Variants in UBE2E2 observed in about 807,000 individuals in gnomAD.
The protein encoded by UBE2E2 is ubiquitin conjugating enzyme E2 E2.
A neutral mutation model predicts 24.7 loss-of-function variants in UBE2E2; 6 were observed. The ratio of observed to expected loss-of-function variants is 0.24; its 90% CI spans 0.13 to 0.48. The LOEUF is 0.48. Ranked by LOEUF, UBE2E2 falls within the 20% of genes least tolerant of loss-of-function variation. UBE2E2 has a pLI of 0.99. For synonymous variants in UBE2E2, 104 were observed against 83.6 expected (o/e 1.24, Z -1.33); for missense variants, 169 against 245.0 (o/e 0.69, Z 2.07).
intron 3 of UBE2E2, among the ~76,000 whole-genome samples, chr3:23,248,807 TAGTC>T (rs371374065): frequency 2.5e-4 from 38 of 152,258 alleles, no homozygotes; most frequent in African/African-American, 9.2e-4. Context: ...TTCCTAAACT[TAGTC>T]AGCTACTTCA....
chr3:23,307,453 T>A (rs1440205924), intron 3 of UBE2E2, among the ~76,000 whole-genome samples: 1 of 152,180 alleles, frequency 6.6e-6, no homozygotes, highest in Non-Finnish European at 1.5e-5. Flanking sequence ...ACCTCCATAA[T>A]GATGTATTTA....
At chr3:23,409,514 C>A (rs1041554044) in intron 3 of UBE2E2, among the ~76,000 whole-genome samples, 3 of 152,052 alleles carry the variant, frequency 2.0e-5, no homozygotes, top group African/African-American at 7.2e-5. Context: ...AATGTATACC[C>A]CATATATTTC....
chr3:23,223,025 C>CT (rs58129459), intron 3 of UBE2E2, among the ~76,000 whole-genome samples: 50 of 60,290 alleles, frequency 8.3e-4, no homozygotes, highest in East Asian at 1.2e-3. Context: ...CCCCCCCCCC[C>CT]TTTTTTTTTT....
chr3:23,495,816 G>A (rs571366769), intron 3 of UBE2E2, among the ~76,000 whole-genome samples: 2 of 152,274 alleles, frequency 1.3e-5, no homozygotes, highest in East Asian at 1.9e-4. Flanking sequence ...ATGGGGTGAT[G>A]GGGGAGGAAT....
At chr3:23,267,593 C>G (rs1231744739) in intron 3 of UBE2E2, among the ~76,000 whole-genome samples, 1 of 151,862 alleles carries the variant, frequency 6.6e-6, no homozygotes, top group Non-Finnish European at 1.5e-5. Flanking sequence ...AGTCCAGGAC[C>G]AGATGGATTC....
chr3:23,512,374 T>G (rs922256815), intron 4 of UBE2E2, among the ~76,000 whole-genome samples: 1 of 151,944 alleles, frequency 6.6e-6, no homozygotes, highest in African/African-American at 2.4e-5. Flanking sequence ...TGTGCCACCA[T>G]GCCTGGCAAA....
chr3:23,390,786 T>C (rs1304030238), intron 3 of UBE2E2, among the ~76,000 whole-genome samples: 3 of 152,192 alleles, frequency 2.0e-5, no homozygotes, highest in Non-Finnish European at 2.9e-5. Context: ...CATACCCCTG[T>C]TGCAAGTCCC....
chr3:23,471,671 A>G (rs1379835759), intron 3 of UBE2E2, among the ~76,000 whole-genome samples: 4 of 152,230 alleles, frequency 2.6e-5, no homozygotes, highest in African/African-American at 9.6e-5. Flanking sequence ...CCTGAAGCAG[A>G]CAAACCAAAG....
chr3:23,535,873 G>A (rs541455444), intron 5 of UBE2E2, among the ~76,000 whole-genome samples: 5 of 152,068 alleles, frequency 3.3e-5, no homozygotes, highest in East Asian at 3.9e-4. Flanking sequence ...CGCCCGCCTC[G>A]GCCTCCCAAA....
Position 23,259,585 on chromosome 3 carries a change from AGTCT to A in UBE2E2, c.227+42274_227+42277del, listed in dbSNP as rs759828954. On this transcript the variant is annotated intron_variant, in intron 3 of 5. Transcript: ENST00000396703. Reference sequence around the variant, plus strand: ...TATCCTGGAACTTTAAAAAAAAAAAAGTCTTGACTCAAATATTGTAATTTTTCTT... The same window carrying A: ...TATCCTGGAACTTTAAAAAAAAAAAATGACTCAAATATTGTAATTTTTCTT... 2.3e-3 allele frequency among the ~76,000 whole-genome samples: 348 copies of A among 151,642 alleles called. 12 individuals carry two copies. In the East Asian group the frequency reaches 0.05, roughly 22 times the overall value.
chr3:23,313,866 G>T (rs1321561339), intron 3 of UBE2E2, among the ~76,000 whole-genome samples: 2 of 151,982 alleles, frequency 1.3e-5, no homozygotes, highest in African/African-American at 4.8e-5. Context: ...TTTAGTGAGG[G>T]TGATTTTCTC....
intron 4 of UBE2E2, among the ~76,000 whole-genome samples, chr3:23,502,932 C>A (rs1286239432): frequency 6.6e-6 from 1 of 152,080 alleles, no homozygotes; most frequent in Admixed American, 6.5e-5. Flanking sequence ...AGGTCTTCAG[C>A]TGAGTATTTA....
At chr3:23,273,977 C>G (rs762584511) in intron 3 of UBE2E2, 1 of 152,184 alleles carries the variant, frequency 6.6e-6, no homozygotes, top group Non-Finnish European at 1.5e-5. Context: ...ATTCTTCTTA[C>G]TGACTGAATC....
chr3:23,396,367 A>C (rs1697077638), intron 3 of UBE2E2, among the ~76,000 whole-genome samples: 1 of 147,962 alleles, frequency 6.8e-6, no homozygotes, highest in Non-Finnish European at 1.5e-5. Context: ...TATCTATATA[A>C]AATAAAAAAT....
intron 3 of UBE2E2, among the ~76,000 whole-genome samples, chr3:23,396,776 TAGTG>T (rs1293812501): frequency 6.6e-6 from 1 of 152,174 alleles, no homozygotes; most frequent in Non-Finnish European, 1.5e-5. Flanking sequence ...GTTTGACTCA[TAGTG>T]AGCACTCAAT....
chr3:23,290,218 C>G (rs1334303330), intron 3 of UBE2E2, among the ~76,000 whole-genome samples: 1 of 152,196 alleles, frequency 6.6e-6, no homozygotes, highest in Non-Finnish European at 1.5e-5. Flanking sequence ...GCTTCTGTAT[C>G]TTGTTACCTT....
In UBE2E2 at chr3:23,266,760, A is replaced by G. The variant is rs182005281; in HGVS notation, c.227+49448A>G. On this transcript the variant is annotated intron_variant, in intron 3 of 5. Transcript: ENST00000396703. ...AATCAACAGAATATACATTCTTTTC[A>G]GCAGCACACCACACCTACTCCAAAA... 3.4e-3 allele frequency among the ~76,000 whole-genome samples: 515 copies of G among 152,342 alleles called. 1 individual carries two copies. The highest frequency in any genetic ancestry group is 5.5e-3 in the Non-Finnish European group (373 of 68,026).
At chr3:23,495,743 A>G (rs1268063491) in intron 3 of UBE2E2, among the ~76,000 whole-genome samples, 2 of 152,124 alleles carry the variant, frequency 1.3e-5, no homozygotes, top group Non-Finnish European at 2.9e-5. Context: ...CCAAAGCTTT[A>G]TTGTCATCTG....
At chr3:23,290,968 C>T (rs1698749435) in intron 3 of UBE2E2, among the ~76,000 whole-genome samples, 1 of 147,420 alleles carries the variant, frequency 6.8e-6, no homozygotes, top group African/African-American at 2.5e-5. Flanking sequence ...ACTTGGGAGG[C>T]TGAGGTGGGA....
Sources: gnomAD v4.1 joint callset for allele counts (sites outside exome capture counted in the v4.1 genomes callset) on GRCh38, gnomAD v4.1.1 for gene constraint, MANE v1.5 for transcripts, NCBI Gene and HGNC (gene_info 2026-07-23, HGNC 2026-07-21) for gene names.